Variants in PCDHA3 observed in about 807,000 individuals in gnomAD.
The protein encoded by PCDHA3 is protocadherin alpha 3.
PCDHA3 carries 41 observed loss-of-function variants against 62.2 expected under a neutral mutation model. The observed-to-expected ratio is 0.66, with a 90% CI of 0.51 to 0.86. The LOEUF (loss-of-function observed/expected upper bound fraction) is 0.86, where lower values mean the gene tolerates loss of function less well. Among genes scored for constraint, PCDHA3 ranks in the 40% least tolerant of loss-of-function variants. PCDHA3 has a pLI of 0.00. For missense variants in PCDHA3, 1,304 were observed against 1,241.2 expected (o/e 1.05, Z -0.76); for synonymous variants, 640 against 555.4 (o/e 1.15, Z -2.14).
Position 140,876,461 on chromosome 5 carries a change from T to C in PCDHA3, c.2394+72870T>C, listed in dbSNP as rs782233071. 28 of 1,613,936 alleles carry C rather than the reference T, an allele frequency of 1.7e-5. No homozygotes were observed. In the East Asian group the frequency reaches 5.8e-4, roughly 33 times the overall value. ...GCCATTGATAAAGGGATTCCTTCCA[T>C]GGCAGGTCACAGCATGGTCCTGGTG... On this transcript the variant is annotated intron_variant, in intron 1 of 3. Coordinates refer to ENST00000522353, the MANE Select transcript of PCDHA3 (RefSeq NM_018906.3).
intron 1 of PCDHA3, chr5:140,825,414 T>A (rs1768561568): frequency 6.8e-6 from 1 of 146,716 alleles, no homozygotes. Context: ...ATATTTTATA[T>A]AATATATATA....
At chr5:140,806,673 T>C (rs1554123662) in intron 1 of PCDHA3, among the ~76,000 whole-genome samples, 1 of 152,168 alleles carries the variant, frequency 6.6e-6, no homozygotes, top group East Asian at 1.9e-4. Context: ...AAAAAAACCC[T>C]GGAATTCTTG....
intron 1 of PCDHA3, 195 bp downstream of exon 1, chr5:140,803,786 T>C (rs1763280882): frequency 1.2e-6 from 1 of 862,140 alleles, no homozygotes; most frequent in African/African-American, 1.7e-5. Flanking sequence ...CAGTAAGTTA[T>C]GATATCCACA....
At chr5:140,830,197 C>G (rs2150182627) in intron 1 of PCDHA3, 2 of 1,613,722 alleles carry the variant, frequency 1.2e-6, no homozygotes, top group African/African-American at 2.7e-5. Context: ...ACCTGATCAT[C>G]GCCATCTGCG....
At chr5:140,892,980 G>T (rs568292110) in intron 1 of PCDHA3, among the ~76,000 whole-genome samples, 192 of 152,148 alleles carry the variant, frequency 1.3e-3, no homozygotes, top group African/African-American at 4.5e-3. Flanking sequence ...TGTAGCTGCC[G>T]TATAAGTGAG....
rs1466401935 is a variant in PCDHA3 at position 140,802,480 on chromosome 5, G to A, written c.1283G>A (p.Arg428Gln). ...VSAYELVVTA[R>Q]DGGSPSLWAT... The stretch of plus-strand genomic sequence containing the variant: ...GCCTATGAGCTGGTGGTGACTGCTC[G>A]GGACGGGGGCTCGCCTTCACTGTGG... The change falls in exon 1 of 4, where the codon CGG becomes CAG. Residue 428 changes from arginine (R) to glutamine (Q), a missense_variant. Physicochemically the swap from Arg to Gln is conservative, Grantham distance 43. Coordinates refer to ENST00000522353, the MANE Select transcript of PCDHA3 (RefSeq NM_018906.3). The A allele has an allele frequency of 1.2e-6, 2 of 1,614,188 alleles. No homozygotes were observed. Among genetic ancestry groups the A allele is most frequent in the African/African-American group, 2.7e-5 (2 of 75,068 alleles).
chr5:140,840,228 G>A (rs1554137738), intron 1 of PCDHA3, among the ~76,000 whole-genome samples: 1 of 152,042 alleles, frequency 6.6e-6, no homozygotes, highest in African/African-American at 2.4e-5. Flanking sequence ...ATGAGTAAAT[G>A]TGGAGAATCA....
At chr5:140,896,661 G>A (rs553525837) in intron 1 of PCDHA3, among the ~76,000 whole-genome samples, 1 of 152,220 alleles carries the variant, frequency 6.6e-6, no homozygotes. Context: ...ACAGGCATGA[G>A]TCACTGTGCC....
At position 140,990,371 on chromosome 5, in the gene PCDHA3, A is replaced by G. The variant is rs570757505; in HGVS notation, c.2542+7808A>G. Reference sequence around the variant, plus strand: ...CCTGTACAGAAAATCTAATAAAGCAAATTTGTTGGTGATGTTCCAAGAAGG... The same window carrying G: ...CCTGTACAGAAAATCTAATAAAGCAGATTTGTTGGTGATGTTCCAAGAAGG... On this transcript the variant is annotated intron_variant, in intron 3 of 3. Coordinates refer to ENST00000522353, the MANE Select transcript of PCDHA3 (RefSeq NM_018906.3). 7.2e-5 allele frequency among the ~76,000 whole-genome samples: 11 copies of G among 152,154 alleles called. No homozygotes were observed. The East Asian group carries it at 1.9e-3, about 27-fold the overall frequency.
At chr5:140,849,816 G>A (rs2150451582) in intron 1 of PCDHA3, 4 of 1,598,578 alleles carry the variant, frequency 2.5e-6, no homozygotes, top group East Asian at 2.2e-5. Flanking sequence ...CACGGCCAGG[G>A]TGTCTGTGGA....
chr5:140,872,477 A>G (rs968507113), intron 1 of PCDHA3, among the ~76,000 whole-genome samples: 3 of 152,118 alleles, frequency 2.0e-5, no homozygotes, highest in African/African-American at 7.2e-5. Flanking sequence ...AAATTAAAAA[A>G]TTAGCCAGAC....
chr5:140,877,811 G>T (rs1256619106), intron 1 of PCDHA3: 1 of 1,610,242 alleles, frequency 6.2e-7, no homozygotes, highest in Non-Finnish European at 8.5e-7. Flanking sequence ...CAGCTGTCTC[G>T]AGAAGATTGT....
At chr5:140,970,464 G>T (rs2096408291) in intron 1 of PCDHA3, among the ~76,000 whole-genome samples, 1 of 152,154 alleles carries the variant, frequency 6.6e-6, no homozygotes, top group African/African-American at 2.4e-5. Flanking sequence ...ATTTAAGTAG[G>T]TATAAGGCCA....
At chr5:140,876,395 T>G in intron 1 of PCDHA3, 1 of 1,613,920 alleles carries the variant, frequency 6.2e-7, no homozygotes, top group Non-Finnish European at 8.5e-7. Flanking sequence ...TATGGTGAAC[T>G]GGATTTTGAA....
At chr5:140,869,296 C>G (rs782726122) in intron 1 of PCDHA3, 2 of 1,613,602 alleles carry the variant, frequency 1.2e-6, no homozygotes, top group South Asian at 1.1e-5. Flanking sequence ...GCGCCTGTTC[C>G]GGGTGGCGTC....
At chr5:140,808,237 G>A in intron 1 of PCDHA3, 1 of 1,614,216 alleles carries the variant, frequency 6.2e-7, no homozygotes, top group African/African-American at 1.3e-5. Context: ...TCCCAGATTT[G>A]GAATTCAAGT....
rs990142871 is a variant in PCDHA3, at chr5:140,854,493, T to G, written c.2394+50902T>G. 2.7e-5 allele frequency: 4 copies of G among 149,954 alleles called. No homozygotes were observed. The Admixed American group carries it at 2.7e-4, about 10-fold the overall frequency. The allele number at this position is 149,954 out of a possible 1,614,324, so 9.3% of individuals were successfully genotyped here. On this transcript the variant is annotated intron_variant, in intron 1 of 3. Transcript: ENST00000522353. ...AGAGAAGTATAGAAACAGAATTTAG[T>G]AGGACACATAAACTGATGGATTAAG...
At chr5:140,884,519 T>G in intron 1 of PCDHA3, 1 of 1,614,042 alleles carries the variant, frequency 6.2e-7, no homozygotes, top group Non-Finnish European at 8.5e-7. Context: ...TTGGTCGTAC[T>G]CGCAGCAGAG....
intron 1 of PCDHA3, among the ~76,000 whole-genome samples, chr5:140,976,433 C>T (rs2096716122): frequency 6.6e-6 from 1 of 152,036 alleles, no homozygotes; most frequent in South Asian, 2.1e-4. Context: ...TGCCTGTAAT[C>T]CCAGCTACTA....
Sources: gnomAD v4.1 joint callset for allele counts (sites outside exome capture counted in the v4.1 genomes callset) on GRCh38, gnomAD v4.1.1 for gene constraint, MANE v1.5 for transcripts, NCBI Gene and HGNC (gene_info 2026-07-23, HGNC 2026-07-21) for gene names.